PTK2B: variants seen among roughly 807,000 people sequenced by gnomAD.
PTK2B encodes the protein protein tyrosine kinase 2 beta.
Under a neutral mutation model 142.9 loss-of-function variants are expected in PTK2B, and 71 were observed. The ratio of observed to expected loss-of-function variants is 0.50; its 90% CI spans 0.41 to 0.61. The LOEUF (loss-of-function observed/expected upper bound fraction) is 0.61. Among genes scored for constraint, PTK2B ranks in the 20% least tolerant of loss-of-function variants. The pLI, the probability that PTK2B is intolerant of heterozygous loss-of-function variation, is 0.00. For synonymous variants in PTK2B, 519 were observed against 503.4 expected, an observed-to-expected ratio of 1.03 and a Z score of -0.42; for missense variants, 1,105 against 1,320.4, an observed-to-expected ratio of 0.84 and a Z score of 2.53.
chr8:27,335,474 C>A (rs1344421471), intron 1 of PTK2B, among the ~76,000 whole-genome samples: 1 of 152,060 alleles, frequency 6.6e-6, no homozygotes, highest in Non-Finnish European at 1.5e-5. Context: ...GGCCTGTAAT[C>A]CCAGCTACCA....
intron 1 of PTK2B, among the ~76,000 whole-genome samples, chr8:27,361,038 A>G (rs1473122760): frequency 6.6e-6 from 1 of 152,134 alleles, no homozygotes; most frequent in Non-Finnish European, 1.5e-5. Flanking sequence ...GCATAGTAGT[A>G]AAGTCTGGGC....
At chr8:27,365,537 A>G (rs1383126595) in intron 1 of PTK2B, among the ~76,000 whole-genome samples, 1 of 152,200 alleles carries the variant, frequency 6.6e-6, no homozygotes, top group Non-Finnish European at 1.5e-5. Flanking sequence ...GTACTGGTAA[A>G]GGAAATAGGA....
intron 3 of PTK2B, among the ~76,000 whole-genome samples, chr8:27,319,529 A>G (rs1803164548): frequency 6.6e-6 from 1 of 151,266 alleles, no homozygotes; most frequent in Non-Finnish European, 1.5e-5. Flanking sequence ...CTGTAGTCCC[A>G]GCTACTCGGG....
At chr8:27,418,595 G>A (rs919353336) in intron 2 of PTK2B, among the ~76,000 whole-genome samples, 1 of 152,172 alleles carries the variant, frequency 6.6e-6, no homozygotes, top group African/African-American at 2.4e-5. Context: ...TTGATGGCAC[G>A]CACATTGCAG....
At chr8:27,361,992 G>A (rs377029766) in intron 1 of PTK2B, among the ~76,000 whole-genome samples, 5 of 152,300 alleles carry the variant, frequency 3.3e-5, no homozygotes, top group African/African-American at 1.2e-4. Context: ...GTGATGCACC[G>A]ATCGTGCCCT....
chr8:27,428,644 G>C (rs569449987), intron 5 of PTK2B, among the ~76,000 whole-genome samples: 20 of 152,124 alleles, frequency 1.3e-4, no homozygotes, highest in African/African-American at 4.8e-4. Context: ...AGGATGTTTA[G>C]CAGTATCCCT....
chr8:27,457,779 A>G (rs1254458640), intron 30 of PTK2B, among the ~76,000 whole-genome samples: 2 of 152,186 alleles, frequency 1.3e-5, no homozygotes, highest in African/African-American at 4.8e-5. Context: ...GTTCAAGACC[A>G]GCCTGGCCAA....
chr8:27,411,687 A>G (rs1448185753), intron 2 of PTK2B, among the ~76,000 whole-genome samples: 2 of 152,194 alleles, frequency 1.3e-5, no homozygotes, highest in African/African-American at 4.8e-5. Flanking sequence ...CTCATGGTCA[A>G]AAACCTTGTT....
intron 3 of PTK2B, 85 bp downstream of exon 3, chr8:27,420,158 T>A: frequency 2.0e-6 from 3 of 1,486,680 alleles, no homozygotes; most frequent in Non-Finnish European, 2.8e-6. Flanking sequence ...CTTAGAGCAC[T>A]CCCCTGCCTC....
intron 7 of PTK2B, 85 bp downstream of exon 7, chr8:27,430,503 A>T: frequency 6.4e-7 from 1 of 1,558,754 alleles, no homozygotes; most frequent in Non-Finnish European, 8.8e-7. Context: ...GGGGATACTC[A>T]GAGAAGCCAG....
chr8:27,451,465 C>T lies in PTK2B; in HGVS notation c.2524-20C>T, dbSNP rs1811808215. 1 of 1,613,828 alleles carries T rather than the reference C, an allele frequency of 6.2e-7. No individual in the cohort carries two copies. Among genetic ancestry groups the T allele is most frequent in the Non-Finnish European group, 8.5e-7 (1 of 1,179,996 alleles). Reference sequence around the variant, plus strand: ...CAGCCGCATGAGTGACGTTCCTGTTCTCTTTCCTCCTTCCTCCAGACGCCA... The same window carrying T: ...CAGCCGCATGAGTGACGTTCCTGTTTTCTTTCCTCCTTCCTCCAGACGCCA... On this transcript the variant is annotated intron_variant, in intron 26 of 30. Coordinates refer to ENST00000346049, the MANE Select transcript of PTK2B (RefSeq NM_173176.3).
intron 10 of PTK2B, 90 bp from the exon 11 acceptor site, chr8:27,433,345 G>T: frequency 8.8e-7 from 1 of 1,138,258 alleles, no homozygotes. Context: ...AAGGGTTGTG[G>T]CAGGGGTCCT....
chr8:27,376,287 G>A (rs566604932), intron 1 of PTK2B, among the ~76,000 whole-genome samples: 1 of 152,342 alleles, frequency 6.6e-6, no homozygotes, highest in East Asian at 1.9e-4. Context: ...TTCTGGGAGG[G>A]AGCAGTCTTT....
At chr8:27,368,800 G>A (rs1806168688) in intron 1 of PTK2B, among the ~76,000 whole-genome samples, 1 of 152,178 alleles carries the variant, frequency 6.6e-6, no homozygotes, top group Non-Finnish European at 1.5e-5. Flanking sequence ...GCTGGGGCCT[G>A]GAGTGACGGC....
chr8:27,417,548 T>C (rs1323140190), intron 2 of PTK2B, among the ~76,000 whole-genome samples: 1 of 152,126 alleles, frequency 6.6e-6, no homozygotes, highest in African/African-American at 2.4e-5. Flanking sequence ...TGTGTCAAAA[T>C]TGTATAGCTT....
rs757547331 is a variant in PTK2B at position 27,440,405 on chromosome 8, A to G, written c.2003A>G (p.Asp668Gly). 1.2e-6 allele frequency: 2 copies of G among 1,613,972 alleles called. No individual in the cohort carries two copies. The highest frequency in any genetic ancestry group is 2.7e-5 in the African/African-American group (2 of 74,942). Residue 668 changes from aspartate to glycine, a missense_variant, in exon 21 of 31, where the codon GAC (aspartate) becomes GGC (glycine). Transcript: ENST00000346049. ...MTRCWDYDPSDRPRFTELVCS... is the reference protein window; with the variant it reads ...MTRCWDYDPSGRPRFTELVCS... ...CGCTGCTGGGACTACGACCCCAGTG[A>G]CCGGCCCCGCTTCACCGAGCTGGTG...
chr8:27,430,194 C>G, intron 6 of PTK2B, 39 bp downstream of exon 6: 1 of 1,593,820 alleles, frequency 6.3e-7, no homozygotes. Context: ...CCCTTCCTGT[C>G]CTTCCATGTG....
At chr8:27,347,329 G>A (rs540742607) in intron 1 of PTK2B, among the ~76,000 whole-genome samples, 95 of 152,222 alleles carry the variant, frequency 6.2e-4, no homozygotes, top group African/African-American at 1.9e-3. Flanking sequence ...GCAGTGAGCC[G>A]AGATCCACCC....
At chr8:27,420,494 G>A (rs1470415579) in intron 3 of PTK2B, among the ~76,000 whole-genome samples, 163 bp from the exon 4 acceptor site, 2 of 152,228 alleles carry the variant, frequency 1.3e-5, no homozygotes, top group Non-Finnish European at 2.9e-5. Context: ...CAACCGCAGA[G>A]GAGGGAAAGA....
Sources: allele counts gnomAD v4.1 joint callset (sites outside exome capture counted in the v4.1 genomes callset), GRCh38; gene constraint gnomAD v4.1.1; transcripts MANE v1.5; gene names NCBI Gene and HGNC (gene_info 2026-07-23, HGNC 2026-07-21).